The following CEP112 variants were observed in gnomAD, a reference collection of about 807,000 sequenced individuals.
CEP112 encodes the protein centrosomal protein 112.
In CEP112, 127 loss-of-function variants were observed where a neutral mutation model predicts 153.0. That is an observed-to-expected ratio of 0.83 (90% CI 0.72 to 0.96). The LOEUF is 0.96. CEP112 is among the 40% of genes least tolerant of loss of function. The pLI is 0.00. For synonymous variants in CEP112, 358 were observed against 374.4 expected (o/e 0.96, Z 0.51); for missense variants, 1,089 against 1,101.2 (o/e 0.99, Z 0.16).
chr17:65,683,172 C>G (rs891208319), intron 24 of CEP112, among the ~76,000 whole-genome samples: 1 of 152,156 alleles, frequency 6.6e-6, no homozygotes, highest in Non-Finnish European at 1.5e-5. Context: ...CTTTCCCCAC[C>G]CTGCAACCCC....
intron 4 of CEP112, among the ~76,000 whole-genome samples, chr17:66,149,884 GTTTGTTTTTTTTT>G (rs2071109095): frequency 2.1e-5 from 1 of 46,838 alleles, no homozygotes; most frequent in African/African-American, 8.3e-5. Context: ...TTTTTTGTTT[GTTTGTTTTTTTTT>G]TTTTTTTTTT....
At chr17:66,158,127 C>T (rs963400798) in intron 4 of CEP112, among the ~76,000 whole-genome samples, 6 of 152,198 alleles carry the variant, frequency 3.9e-5, no homozygotes, top group Non-Finnish European at 7.4e-5. Flanking sequence ...AAATCGTCCA[C>T]ATAATTGGAA....
chr17:65,935,963 A>G (rs1009920141), intron 18 of CEP112, among the ~76,000 whole-genome samples: 5 of 152,098 alleles, frequency 3.3e-5, no homozygotes, highest in Admixed American at 6.5e-5. Flanking sequence ...CAATGAAACT[A>G]CGAGTTGGTT....
At chr17:66,101,658 G>C (rs1185432522) in intron 6 of CEP112, among the ~76,000 whole-genome samples, 1 of 151,802 alleles carries the variant, frequency 6.6e-6, no homozygotes, top group African/African-American at 2.4e-5. Flanking sequence ...TCTTTAACAA[G>C]ATAGCATAAA....
intron 17 of CEP112, among the ~76,000 whole-genome samples, chr17:65,985,110 A>G (rs1162142786): frequency 6.6e-6 from 1 of 152,154 alleles, no homozygotes; most frequent in Non-Finnish European, 1.5e-5. Flanking sequence ...CTGAATATAA[A>G]AGCAAAGAAA....
At position 65,926,713 on chromosome 17, in the gene CEP112, A is replaced by AAAT. The variant is rs369745977; in HGVS notation, c.1980+866_1980+868dup. Among the ~76,000 whole-genome samples, 332 of 150,432 alleles carry AAAT rather than the reference A, an allele frequency of 2.2e-3. 1 individual carries two copies. Among genetic ancestry groups the AAAT allele is most frequent in the Admixed American group, 5.7e-3 (87 of 15,144 alleles). On this transcript the variant is annotated intron_variant, in intron 19 of 26. Transcript: ENST00000535342. ...GGGTGAGAGAGTGAGACTCCTTCTC[A>AAAT]AATAATAATAATAATAATAATAATA...
At chr17:66,113,213 A>G (rs1204181604) in intron 6 of CEP112, among the ~76,000 whole-genome samples, 1 of 152,218 alleles carries the variant, frequency 6.6e-6, no homozygotes, top group Non-Finnish European at 1.5e-5. Context: ...AGGTATAAAT[A>G]TGCATCGTCA....
chr17:65,800,415 T>C (rs1252459159), intron 21 of CEP112, among the ~76,000 whole-genome samples: 1 of 152,232 alleles, frequency 6.6e-6, no homozygotes, highest in Non-Finnish European at 1.5e-5. Flanking sequence ...TCAAGGTTTA[T>C]CTGTGTCATA....
intron 23 of CEP112, among the ~76,000 whole-genome samples, chr17:65,706,256 A>G (rs1462892747): frequency 1.3e-5 from 2 of 152,222 alleles, no homozygotes; most frequent in Non-Finnish European, 2.9e-5. Flanking sequence ...TACAGTTCTG[A>G]CAGGCCTAAG....
intron 2 of CEP112, among the ~76,000 whole-genome samples, chr17:66,179,578 T>C (rs892853629): frequency 5.9e-5 from 9 of 152,118 alleles, no homozygotes; most frequent in African/African-American, 9.7e-5. Flanking sequence ...TCTGTTTTAA[T>C]AGGTTTTTGG....
intron 8 of CEP112, among the ~76,000 whole-genome samples, chr17:66,092,044 C>CG (rs2068152670): frequency 7.1e-6 from 1 of 141,638 alleles, no homozygotes; most frequent in Non-Finnish European, 1.5e-5. Context: ...TATGTATTTA[C>CG]TTTTTTTTTT....
At chr17:65,926,849 C>T (rs1416433349) in intron 19 of CEP112, among the ~76,000 whole-genome samples, 2 of 152,148 alleles carry the variant, frequency 1.3e-5, no homozygotes, top group African/African-American at 4.8e-5. Context: ...CTCCCTCATG[C>T]CAGGGACAGC....
At chr17:66,060,900 A>AC (rs2066897204) in intron 11 of CEP112, among the ~76,000 whole-genome samples, 1 of 151,660 alleles carries the variant, frequency 6.6e-6, no homozygotes, top group Non-Finnish European at 1.5e-5. Context: ...CAAGGAAAAA[A>AC]AAAAAGACAA....
intron 21 of CEP112, among the ~76,000 whole-genome samples, chr17:65,811,404 C>CT (rs2055945078): frequency 6.6e-6 from 1 of 152,148 alleles, no homozygotes; most frequent in African/African-American, 2.4e-5. Context: ...GCTAACCTAA[C>CT]TGAGTTAGAA....
intron 21 of CEP112, among the ~76,000 whole-genome samples, chr17:65,773,256 A>G (rs1479789491): frequency 6.6e-6 from 1 of 152,084 alleles, no homozygotes; most frequent in East Asian, 1.9e-4. Flanking sequence ...TTGAAAGGTA[A>G]TATCTACCCC....
At chr17:65,728,226 T>C (rs573595767) in intron 23 of CEP112, among the ~76,000 whole-genome samples, 4 of 152,342 alleles carry the variant, frequency 2.6e-5, no homozygotes, top group African/African-American at 9.6e-5. Flanking sequence ...TCAATCAATA[T>C]AGTCAAATGC....
chr17:65,662,984 A>G (rs1168093849), intron 24 of CEP112, among the ~76,000 whole-genome samples: 1 of 152,204 alleles, frequency 6.6e-6, no homozygotes, highest in Non-Finnish European at 1.5e-5. Context: ...GGTCTCTATA[A>G]CAATTTCATT....
In CEP112 at chr17:65,971,246, ACAT is replaced by A. The variant is rs539285061; in HGVS notation, c.1737-9651_1737-9649del. On this transcript the variant is annotated intron_variant, in intron 17 of 26. Coordinates refer to ENST00000535342, the MANE Select transcript of CEP112 (RefSeq NM_001199165.4). ...TATATTACATACGTGCAAAACATGC[ACAT>A]CAAATGCGTACTGCACACATGTACA... 1.3e-3 allele frequency among the ~76,000 whole-genome samples: 194 copies of A among 152,338 alleles called. 2 individuals carry two copies. Among genetic ancestry groups the A allele is most frequent in the African/African-American group, 4.4e-3 (184 of 41,588 alleles).
At chr17:65,648,053 A>G (rs1193729558) in intron 24 of CEP112, among the ~76,000 whole-genome samples, 1 of 152,162 alleles carries the variant, frequency 6.6e-6, no homozygotes, top group Non-Finnish European at 1.5e-5. Flanking sequence ...ATTCATTAGC[A>G]TAAAGTGTCC....
Sources: gnomAD v4.1 joint callset for allele counts (sites outside exome capture counted in the v4.1 genomes callset) on GRCh38, gnomAD v4.1.1 for gene constraint, MANE v1.5 for transcripts, NCBI Gene and HGNC (gene_info 2026-07-23, HGNC 2026-07-21) for gene names.